PSD2: variants seen among roughly 807,000 people sequenced by gnomAD.
The protein encoded by PSD2 is PH and SEC7 domain-containing protein 2.
Under a neutral mutation model 69.8 loss-of-function variants are expected in PSD2, and 38 were observed. That is an observed-to-expected ratio of 0.54 (90% CI 0.42 to 0.71). The LOEUF is 0.71. Ranked by LOEUF, PSD2 falls within the 30% of genes least tolerant of loss-of-function variation. PSD2 has a pLI of 0.00. For missense variants in PSD2, 943 were observed against 1,014.5 expected, an observed-to-expected ratio of 0.93 and a Z score of 0.96; for synonymous variants, 412 against 423.0, an observed-to-expected ratio of 0.97 and a Z score of 0.32.
chr5:139,798,366 T>G (rs1044258556), intron 1 of PSD2, among the ~76,000 whole-genome samples: 1 of 152,294 alleles, frequency 6.6e-6, no homozygotes, highest in South Asian at 2.1e-4. Flanking sequence ...GGTAAGCCAC[T>G]CCAGCGCTGT....
the PSD2 span, among the ~76,000 whole-genome samples, chr5:139,778,496 C>T: frequency 6.6e-6 from 1 of 152,328 alleles, no homozygotes; most frequent in East Asian, 1.9e-4. Context: ...TGCATAAAGA[C>T]ACCACAATTT....
At chr5:139,776,683 T>C in the PSD2 span, among the ~76,000 whole-genome samples, 1 of 144,998 alleles carries the variant, frequency 6.9e-6, no homozygotes. Flanking sequence ...TTTTTTTTTT[T>C]TTCCAGATAG....
the PSD2 span, among the ~76,000 whole-genome samples, chr5:139,743,550 TTA>T: frequency 2.6e-5 from 4 of 152,176 alleles, no homozygotes; most frequent in South Asian, 4.1e-4. Context: ...GTGTGACTGT[TTA>T]TGTCTTTTTG....
At chr5:139,813,135 C>T (rs879252857) in intron 2 of PSD2, among the ~76,000 whole-genome samples, 174 bp from the exon 3 acceptor site, 1 of 152,230 alleles carries the variant, frequency 6.6e-6, no homozygotes, top group African/African-American at 2.4e-5. Context: ...ATTCCCAGTA[C>T]CCAGCCTGGT....
chr5:139,805,924 C>T (rs1422780), intron 1 of PSD2, among the ~76,000 whole-genome samples: 104,075 of 151,888 alleles, frequency 0.69, 35,966 homozygotes, highest in East Asian at 0.74. Flanking sequence ...AAGGATTGTG[C>T]TTTTGCAACT....
At chr5:139,789,093 G>T in the PSD2 span, among the ~76,000 whole-genome samples, 4 of 152,344 alleles carry the variant, frequency 2.6e-5, no homozygotes, top group East Asian at 7.7e-4. Context: ...CTGACTGCAC[G>T]GTTTCCCTAC....
At chr5:139,795,715 G>C (rs1187806794), upstream of PSD2, 1 of 151,498 alleles carries the variant, frequency 6.6e-6, no homozygotes, top group Non-Finnish European at 1.5e-5. This position sits in a 1 kb window ranked among gnomAD's most constrained non-coding sequence, Gnocchi z 4.5. Flanking sequence ...CGCGCCCGCC[G>C]CTCGCGCGCC....
Position 139,821,911 on chromosome 5 carries a change from C to T in PSD2, c.1116C>T (p.Phe372=), listed in dbSNP as rs1457908458. The change falls in exon 6 of 15, where the codon TTC becomes TTT. Residue 372 remains phenylalanine, a synonymous_variant. Transcript: ENST00000274710. ...CTTCCAGAACATTCTTGAAGGCCTTCCCGCTGATGGGGGAGACACAAGAGC... is the reference window on the plus strand; with the variant it reads ...CTTCCAGAACATTCTTGAAGGCCTTTCCGCTGATGGGGGAGACACAAGAGC... ...DGALRTFLKA[F]PLMGETQERE... 9.9e-6 allele frequency: 16 copies of T among 1,608,172 alleles called. No homozygotes were observed. Among genetic ancestry groups the T allele is most frequent in the Non-Finnish European group, 1.3e-5 (15 of 1,176,650 alleles).
the PSD2 span, among the ~76,000 whole-genome samples, chr5:139,774,071 C>T: frequency 1.3e-5 from 2 of 152,056 alleles, no homozygotes; most frequent in Admixed American, 1.3e-4. Context: ...GGTGATCCTC[C>T]CACCTCAGCC....
intron 7 of PSD2, among the ~76,000 whole-genome samples, chr5:139,829,094 G>T (rs1289538188): frequency 1.3e-5 from 2 of 152,174 alleles, no homozygotes; most frequent in Non-Finnish European, 2.9e-5. Flanking sequence ...GATGATCTGG[G>T]TGCATGTCTT....
the PSD2 span, among the ~76,000 whole-genome samples, chr5:139,757,772 C>T: frequency 6.6e-6 from 1 of 152,200 alleles, no homozygotes; most frequent in Non-Finnish European, 1.5e-5. Flanking sequence ...AGGACTTTCA[C>T]CTCTGTCCTC....
intron 1 of PSD2, among the ~76,000 whole-genome samples, chr5:139,797,968 G>A (rs914757610): frequency 6.6e-6 from 1 of 152,204 alleles, no homozygotes; most frequent in African/African-American, 2.4e-5. Flanking sequence ...TAGTTTCCTA[G>A]GGAGGTGGGA....
Position 139,836,828 on chromosome 5 carries a change from G to A in PSD2, c.1421G>A (p.Arg474Lys). ...LEWAIDEDEL[R>K]KSLSELVDDK... ...TTCCCTAGTGATGAGGATGAGCTGA[G>A]GAAATCCCTGTCTGAGCTGGTGGAT... The change falls in exon 10 of 15, where the codon AGG becomes AAG. Residue 474 changes from arginine to lysine, a missense_variant. By Grantham distance (26) the Arg-to-Lys change is conservative. Coordinates refer to ENST00000274710, the MANE Select transcript of PSD2 (RefSeq NM_032289.4). The A allele has an allele frequency of 1.9e-6, 3 of 1,614,118 alleles. No homozygotes were observed. The highest frequency in any genetic ancestry group is 2.5e-6 in the Non-Finnish European group (3 of 1,179,960).
chr5:139,814,094 G>T lies in PSD2; in HGVS notation c.822-76G>T. On this transcript the variant is annotated intron_variant, in intron 3 of 14. Coordinates refer to ENST00000274710, the MANE Select transcript of PSD2 (RefSeq NM_032289.4). The surrounding 1 kb of genome is among the most constrained non-coding windows in gnomAD (Gnocchi z 4.4). The stretch of plus-strand genomic sequence containing the variant: ...CCTACATGGTTTGCAGTGGCCTGGG[G>T]AAACCTCCCAGCCTCCTCTGGGGCC... 1 of 1,467,030 alleles carries T rather than the reference G, an allele frequency of 6.8e-7. No homozygotes were observed. Among genetic ancestry groups the T allele is most frequent in the Non-Finnish European group, 9.4e-7 (1 of 1,068,214 alleles). The allele number at this position is 1,467,030 out of a possible 1,614,324, so 90.9% of individuals were successfully genotyped here. A position where few individuals can be genotyped will look rare whatever the true frequency, so the allele number is the denominator to read the frequency against.
chr5:139,780,149 T>C, the PSD2 span, among the ~76,000 whole-genome samples: 2 of 152,194 alleles, frequency 1.3e-5, no homozygotes, highest in Non-Finnish European at 2.9e-5. Context: ...CATTTTACAC[T>C]CTACCCTTGA....
At chr5:139,750,922 A>G in the PSD2 span, among the ~76,000 whole-genome samples, 1 of 152,128 alleles carries the variant, frequency 6.6e-6, no homozygotes, top group Non-Finnish European at 1.5e-5. Flanking sequence ...GATCCCTCCT[A>G]CTACTCCTCA....
At chr5:139,825,777 C>A (rs1017084974) in intron 7 of PSD2, among the ~76,000 whole-genome samples, 3 of 152,060 alleles carry the variant, frequency 2.0e-5, no homozygotes, top group Non-Finnish European at 4.4e-5. Context: ...GCCAAGGAGG[C>A]AGTAACATGG....
the PSD2 span, among the ~76,000 whole-genome samples, chr5:139,760,675 C>A: frequency 6.6e-6 from 1 of 152,172 alleles, no homozygotes; most frequent in Admixed American, 6.5e-5. Flanking sequence ...AGGCTCCTGG[C>A]ACCCTATGGA....
At chr5:139,796,462 C>T (rs1017118982) in intron 1 of PSD2, among the ~76,000 whole-genome samples, 1 of 152,212 alleles carries the variant, frequency 6.6e-6, no homozygotes, top group Non-Finnish European at 1.5e-5. Flanking sequence ...TTTCTGTTTC[C>T]AGTTTCCCAA....
Sources: allele counts gnomAD v4.1 joint callset (sites outside exome capture counted in the v4.1 genomes callset), GRCh38; gene constraint gnomAD v4.1.1; non-coding constraint Gnocchi (gnomAD v3.1); transcripts MANE v1.5; gene names NCBI Gene and HGNC (gene_info 2026-07-23, HGNC 2026-07-21).